The following PREX2 variants were observed in gnomAD, a reference collection of about 807,000 sequenced individuals.
PREX2 encodes phosphatidylinositol 3,4,5-trisphosphate-dependent Rac exchanger 2 protein.
PREX2 carries 107 observed loss-of-function variants against 203.2 expected under a neutral mutation model. That is an observed-to-expected ratio of 0.53 (90% confidence interval 0.45 to 0.62). The LOEUF (loss-of-function observed/expected upper bound fraction) is 0.62. PREX2 is among the 20% of genes least tolerant of loss of function. The pLI is 0.00. For synonymous variants in PREX2, 672 were observed against 663.6 expected (o/e 1.01, Z -0.19); for missense variants, 1,777 against 1,955.9 (o/e 0.91, Z 1.72).
At chr8:68,167,350 A>G (rs1441071444) in intron 35 of PREX2, among the ~76,000 whole-genome samples, 2 of 142,706 alleles carry the variant, frequency 1.4e-5, no homozygotes, top group Non-Finnish European at 3.0e-5. Context: ...TTTTTTGGAG[A>G]CAGAGTCTCA....
intron 39 of PREX2, among the ~76,000 whole-genome samples, chr8:68,226,129 G>A (rs925535519): frequency 3.9e-5 from 6 of 152,124 alleles, no homozygotes; most frequent in Non-Finnish European, 5.9e-5. Context: ...GGGAGTAATA[G>A]GCCTGAGAGA....
intron 1 of PREX2, among the ~76,000 whole-genome samples, chr8:67,991,146 C>T (rs971141287): frequency 6.6e-6 from 1 of 152,070 alleles, no homozygotes; most frequent in Non-Finnish European, 1.5e-5. Context: ...TCCCTGAAAC[C>T]CCATAAACTA....
intron 35 of PREX2, among the ~76,000 whole-genome samples, chr8:68,166,339 T>A (rs938744257): frequency 2.0e-5 from 3 of 152,178 alleles, no homozygotes; most frequent in Non-Finnish European, 4.4e-5. Flanking sequence ...GGGGAGTCAC[T>A]CTGAAATCTG....
chr8:67,999,899 T>C (rs1473026655), intron 1 of PREX2, among the ~76,000 whole-genome samples: 2 of 152,196 alleles, frequency 1.3e-5, no homozygotes, highest in Non-Finnish European at 2.9e-5. Flanking sequence ...GAAAAGGCTT[T>C]TGATAAAATT....
intron 1 of PREX2, among the ~76,000 whole-genome samples, chr8:68,017,368 G>GCTATCTATCTAT (rs200096507): frequency 6.6e-6 from 1 of 152,002 alleles, no homozygotes; most frequent in African/African-American, 2.4e-5. Flanking sequence ...GGCAGGGATA[G>GCTATCTATCTAT]CTATCTATCT....
chr8:68,128,528 CA>C (rs1810940757), intron 31 of PREX2, among the ~76,000 whole-genome samples: 1 of 152,092 alleles, frequency 6.6e-6, no homozygotes, highest in South Asian at 2.1e-4. Context: ...GTTGGCTAGG[CA>C]CAGGTGATCT....
At chr8:68,108,403 T>C in intron 24 of PREX2, 72 bp downstream of exon 24, 2 of 989,808 alleles carry the variant, frequency 2.0e-6, no homozygotes, top group African/African-American at 1.6e-5. Flanking sequence ...CATGCATCCC[T>C]GAAATTCAAT....
At chr8:67,993,167 T>C (rs549322875) in intron 1 of PREX2, among the ~76,000 whole-genome samples, 1 of 152,290 alleles carries the variant, frequency 6.6e-6, no homozygotes, top group Non-Finnish European at 1.5e-5. Flanking sequence ...TGTGTCTGTT[T>C]CTTTTAAATA....
At chr8:68,164,574 T>C (rs1811720719) in intron 35 of PREX2, among the ~76,000 whole-genome samples, 1 of 137,232 alleles carries the variant, frequency 7.3e-6, no homozygotes, top group African/African-American at 2.6e-5. Context: ...TTCTTTCTTT[T>C]TTTCTTTTTT....
At chr8:68,008,554 G>A (rs533034200) in intron 1 of PREX2, among the ~76,000 whole-genome samples, 134 of 152,114 alleles carry the variant, frequency 8.8e-4, no homozygotes, top group Non-Finnish European at 1.4e-3. Flanking sequence ...TAAAGAAAAG[G>A]TAAAGTAAGT....
chr8:68,019,714 G>C lies in PREX2; in HGVS notation c.336+43G>C, dbSNP rs1437547241. On this transcript the variant is annotated intron_variant, in intron 3 of 39. Coordinates refer to ENST00000288368, the MANE Select transcript of PREX2 (RefSeq NM_024870.4). ...TTATTTTAAAAGTTCTTTTCCCCTAGATTTTGAGATTTAGCTCTTGGCATA... is the reference window on the plus strand; with the variant it reads ...TTATTTTAAAAGTTCTTTTCCCCTACATTTTGAGATTTAGCTCTTGGCATA... 7 of 1,559,326 alleles carry C rather than the reference G, an allele frequency of 4.5e-6. No individual in the cohort carries two copies. In the African/African-American group the frequency reaches 9.7e-5, roughly 22 times the overall value.
At chr8:67,997,677 T>C (rs1418935958) in intron 1 of PREX2, among the ~76,000 whole-genome samples, 1 of 152,194 alleles carries the variant, frequency 6.6e-6, no homozygotes, top group African/African-American at 2.4e-5. Flanking sequence ...TTGATTGGGC[T>C]TGTGGTGAAT....
At chr8:68,203,147 C>T (rs1349696099) in intron 37 of PREX2, among the ~76,000 whole-genome samples, 1 of 152,142 alleles carries the variant, frequency 6.6e-6, no homozygotes, top group Non-Finnish European at 1.5e-5. Flanking sequence ...GGTTTTCCCT[C>T]TCAGCAGAAC....
intron 16 of PREX2, 38 bp from the exon 17 acceptor site, chr8:68,080,708 A>G: frequency 6.8e-7 from 1 of 1,475,640 alleles, no homozygotes; most frequent in Non-Finnish European, 9.3e-7. Context: ...TTTTTTTCAT[A>G]GTTGCTTTAT....
chr8:68,061,697 G>A (rs1293333459), intron 11 of PREX2, among the ~76,000 whole-genome samples: 2 of 152,206 alleles, frequency 1.3e-5, no homozygotes, highest in Non-Finnish European at 2.9e-5. Context: ...GAGGATCAGG[G>A]TTGAAAGAGA....
At chr8:67,955,169 A>G (rs912560954) in intron 1 of PREX2, among the ~76,000 whole-genome samples, 2 of 150,988 alleles carry the variant, frequency 1.3e-5, no homozygotes, top group African/African-American at 2.4e-5. Context: ...AAAAAAAAAA[A>G]AAGAAATCAT....
intron 35 of PREX2, among the ~76,000 whole-genome samples, chr8:68,187,141 CTT>C (rs1812206792): frequency 1.3e-5 from 2 of 150,650 alleles, no homozygotes; most frequent in Non-Finnish European, 2.9e-5. Context: ...CTATGGGCTG[CTT>C]TTACAGAATA....
intron 9 of PREX2, among the ~76,000 whole-genome samples, chr8:68,054,424 T>C (rs963037877): frequency 2.0e-5 from 3 of 151,972 alleles, no homozygotes; most frequent in African/African-American, 7.3e-5. Flanking sequence ...TAAAACTGCT[T>C]ATGATCTTTA....
At chr8:68,005,480 A>T (rs1175699058) in intron 1 of PREX2, among the ~76,000 whole-genome samples, 1 of 152,136 alleles carries the variant, frequency 6.6e-6, no homozygotes, top group Non-Finnish European at 1.5e-5. Flanking sequence ...GCCATCACCC[A>T]GGCCATCCAT....
Sources: gnomAD v4.1 joint callset for allele counts (sites outside exome capture counted in the v4.1 genomes callset) on GRCh38, gnomAD v4.1.1 for gene constraint, MANE v1.5 for transcripts, NCBI Gene and HGNC (gene_info 2026-07-23, HGNC 2026-07-21) for gene names.